GPAT3: variants seen among roughly 807,000 people sequenced by gnomAD.
GPAT3 encodes the protein glycerol-3-phosphate acyltransferase 3.
A neutral mutation model predicts 58.8 loss-of-function variants in GPAT3; 53 were observed. That is an observed-to-expected ratio of 0.90 (90% CI 0.72 to 1.13). The LOEUF (loss-of-function observed/expected upper bound fraction) is 1.13. GPAT3 is among the 50% of genes most tolerant of loss of function. The pLI is 0.00. For synonymous variants in GPAT3, 197 were observed against 187.4 expected (o/e 1.05, Z -0.42); for missense variants, 511 against 527.6 (o/e 0.97, Z 0.31).
At chr4:83,581,938 T>A in intron 3 of GPAT3, 106 bp downstream of exon 3, 6 of 1,431,074 alleles carry the variant, frequency 4.2e-6, no homozygotes, top group Non-Finnish European at 5.6e-6. Flanking sequence ...TTCCACCCAT[T>A]CCCACGTAGG....
chr4:83,594,187 C>G (rs1028669623), intron 6 of GPAT3, among the ~76,000 whole-genome samples: 1 of 152,186 alleles, frequency 6.6e-6, no homozygotes, highest in Admixed American at 6.5e-5. Flanking sequence ...TTGCTCTGTT[C>G]CCAGCTGCAT....
rs145728643 is a variant in GPAT3 at position 83,602,825 on chromosome 4, G to T, written c.1206-1843G>T. On this transcript the variant is annotated intron_variant, in intron 11 of 11. Coordinates refer to ENST00000264409, the MANE Select transcript of GPAT3 (RefSeq NM_032717.5). ...AGAATTCAGGTAAGTGCTGTTAATA[G>T]AAGAAGCTCATTTGGATAAAAGAGG... Among the ~76,000 whole-genome samples the T allele has an allele frequency of 4.0e-4, 61 of 152,306 alleles. 1 individual carries two copies. In the East Asian group the frequency reaches 0.011, roughly 28 times the overall value.
intron 2 of GPAT3, among the ~76,000 whole-genome samples, chr4:83,575,317 T>G (rs1725768591): frequency 6.6e-6 from 1 of 152,228 alleles, no homozygotes; most frequent in Non-Finnish European, 1.5e-5. Context: ...TTTAGGTAAA[T>G]TGGATCTGTA....
chr4:83,598,161 G>GC lies in GPAT3; in HGVS notation c.1113dup (p.Met372HisfsTer14). On this transcript the variant is annotated frameshift_variant, in exon 10 of 12. Coordinates refer to ENST00000264409, the MANE Select transcript of GPAT3 (RefSeq NM_032717.5). LOFTEE classifies it high-confidence loss of function. The stretch of plus-strand genomic sequence containing the variant: ...CCATCGTCTGTGACGTGTGGTACAT[G>GC]CCCCCCATGACCAGAGAGGTATTCC... The GC allele has an allele frequency of 1.9e-6, 3 of 1,613,010 alleles. No homozygotes were observed. The highest frequency in any genetic ancestry group is 1.7e-5 in the Admixed American group (1 of 59,742).
intron 2 of GPAT3, among the ~76,000 whole-genome samples, chr4:83,562,186 T>TA (rs1468396137): frequency 2.0e-5 from 1 of 49,342 alleles, no homozygotes; most frequent in Non-Finnish European, 3.4e-5. Flanking sequence ...ATATTATATA[T>TA]ATATATATAT....
chr4:83,562,179 TTA>T (rs138405336), intron 2 of GPAT3, among the ~76,000 whole-genome samples: 28,065 of 84,986 alleles, frequency 0.33, 4,346 homozygotes, highest in Middle Eastern at 0.45. Context: ...ATTTTATATA[TTA>T]TATATATATA....
At chr4:83,538,305 A>G (rs564072682) in intron 1 of GPAT3, among the ~76,000 whole-genome samples, 2 of 152,148 alleles carry the variant, frequency 1.3e-5, no homozygotes, top group African/African-American at 4.8e-5. Context: ...CTCAGTGCTC[A>G]TGTTTTTAAA....
intron 3 of GPAT3, among the ~76,000 whole-genome samples, chr4:83,584,437 A>G (rs1253566341): frequency 6.6e-6 from 1 of 152,266 alleles, no homozygotes; most frequent in East Asian, 1.9e-4. Flanking sequence ...TTCAAAAACC[A>G]GATTGTATTA....
chr4:83,558,175 C>T (rs1725006589), intron 2 of GPAT3, among the ~76,000 whole-genome samples: 1 of 151,852 alleles, frequency 6.6e-6, no homozygotes, highest in Non-Finnish European at 1.5e-5. Context: ...GATCATACCA[C>T]TGCACTCCAG....
chr4:83,556,066 A>AT (rs2110078980), intron 2 of GPAT3, among the ~76,000 whole-genome samples: 1 of 152,358 alleles, frequency 6.6e-6, no homozygotes, highest in Admixed American at 6.5e-5. Flanking sequence ...AAGAATATTT[A>AT]GCATTACAAT....
intron 4 of GPAT3, among the ~76,000 whole-genome samples, chr4:83,587,568 A>G (rs1051633147): frequency 1.3e-5 from 2 of 152,134 alleles, no homozygotes; most frequent in South Asian, 2.1e-4. Context: ...CTGGGATTAC[A>G]GTCACCCACC....
chr4:83,561,472 T>G (rs1240031376), intron 2 of GPAT3, among the ~76,000 whole-genome samples: 1 of 152,092 alleles, frequency 6.6e-6, no homozygotes, highest in Non-Finnish European at 1.5e-5. Flanking sequence ...TGCAATGACG[T>G]TGGCACAAAC....
intron 3 of GPAT3, among the ~76,000 whole-genome samples, chr4:83,585,566 A>G (rs1291425497): frequency 6.6e-6 from 1 of 151,656 alleles, no homozygotes; most frequent in African/African-American, 2.4e-5. Context: ...TGTGTTATTG[A>G]TGGAGTGTTT....
Position 83,564,707 on chromosome 4 carries a change from A to G in GPAT3, c.209-16855A>G, listed in dbSNP as rs75050207. On this transcript the variant is annotated intron_variant, in intron 2 of 11. Transcript: ENST00000264409. ...GAGCAAGACTCTGTCACAAAAAAAG[A>G]AAAAAAAAGGATTAGCTTTTGTCTG... 2.6e-4 allele frequency among the ~76,000 whole-genome samples: 37 copies of G among 140,026 alleles called. 1 individual carries two copies. Among genetic ancestry groups the G allele is most frequent in the Admixed American group, 2.3e-3 (34 of 14,694 alleles). The allele number at this position is 140,026 out of a possible 152,430, so 91.9% of individuals were successfully genotyped here. A position where few individuals can be genotyped will look rare whatever the true frequency, so the allele number is the denominator to read the frequency against.
rs1244085821 is a variant in GPAT3 at position 83,590,214 on chromosome 4, G to T, written c.660G>T (p.Gln220His). 3.1e-6 allele frequency: 5 copies of T among 1,613,890 alleles called. No homozygotes were observed. The highest frequency in any genetic ancestry group is 3.4e-6 in the Non-Finnish European group (4 of 1,179,856). ...GTAATTGCAGGCAGTACAGACCCCA[G>T]AAGGGAGGCATTTGTGTTGCCAACC... is the stretch of plus-strand genomic sequence containing the variant. The part of the protein sequence containing the change: ...IHYHNKQYRP[Q>H]KGGICVANHT... The change falls in exon 6 of 12, where the codon CAG becomes CAT. Residue 220 changes from glutamine (Q) to histidine (H), a missense_variant. Physicochemically the swap from Gln to His is conservative, Grantham distance 24 (BLOSUM62 0). Transcript: ENST00000264409.
At chr4:83,575,822 C>T (rs1163364464) in intron 2 of GPAT3, among the ~76,000 whole-genome samples, 1 of 152,216 alleles carries the variant, frequency 6.6e-6, no homozygotes, top group Non-Finnish European at 1.5e-5. Context: ...ATCTTAGGGA[C>T]AACTGTCAGT....
At chr4:83,587,431 T>G (rs1339065959) in intron 4 of GPAT3, 102 bp downstream of exon 4, 6 of 1,076,478 alleles carry the variant, frequency 5.6e-6, no homozygotes, top group Non-Finnish European at 8.1e-6. Context: ...TGCATTATTA[T>G]TATTATTATT....
At chr4:83,601,350 T>C (rs1456778044) in intron 11 of GPAT3, among the ~76,000 whole-genome samples, 1 of 152,252 alleles carries the variant, frequency 6.6e-6, no homozygotes, top group East Asian at 1.9e-4. Context: ...TATTTATCCA[T>C]TCACATAGCG....
chr4:83,536,058 G>A, upstream of GPAT3: 13 of 985,428 alleles, frequency 1.3e-5, no homozygotes, highest in Non-Finnish European at 1.6e-5. Flanking sequence ...CGGAGGAGGT[G>A]GGGCGAGGGC....
Sources: gnomAD v4.1 joint callset for allele counts (sites outside exome capture counted in the v4.1 genomes callset) on GRCh38, gnomAD v4.1.1 for gene constraint, MANE v1.5 for transcripts, NCBI Gene and HGNC (gene_info 2026-07-23, HGNC 2026-07-21) for gene names.